Variants in CPNE5 observed in about 807,000 individuals in gnomAD.
CPNE5 encodes the protein copine-5.
CPNE5 carries 42 observed loss-of-function variants against 81.1 expected under a neutral mutation model. The ratio of observed to expected loss-of-function variants is 0.52; its 90% CI spans 0.40 to 0.67. The LOEUF (loss-of-function observed/expected upper bound fraction) is 0.67, where lower values mean the gene tolerates loss of function less well. CPNE5 is among the 30% of genes least tolerant of loss of function. The pLI is 0.00. For synonymous variants in CPNE5, 313 were observed against 321.5 expected, an observed-to-expected ratio of 0.97 and a Z score of 0.28; for missense variants, 612 against 815.5, an observed-to-expected ratio of 0.75 and a Z score of 3.04.
At chr6:36,744,544 G>A in intron 18 of CPNE5, 1 of 588,260 alleles carries the variant, frequency 1.7e-6, no homozygotes, top group Non-Finnish European at 3.0e-6. Context: ...AGAGAGGGAG[G>A]GTGGCAGGGG....
chr6:36,785,472 A>G (rs768989785), intron 8 of CPNE5, among the ~76,000 whole-genome samples: 6 of 152,208 alleles, frequency 3.9e-5, no homozygotes, highest in Non-Finnish European at 8.8e-5. Flanking sequence ...AGGCACAGAA[A>G]AGTAACTTGC....
intron 7 of CPNE5, chr6:36,792,463 T>C: frequency 8.1e-7 from 1 of 1,237,768 alleles, no homozygotes; most frequent in East Asian, 4.9e-5. Flanking sequence ...GCAAAAGACC[T>C]CATGGGCTAG....
chr6:36,839,401 A>G lies in CPNE5; in HGVS notation c.-24T>C. 1 of 1,528,602 alleles carries G rather than the reference A, an allele frequency of 6.5e-7. No homozygotes were observed. The highest frequency in any genetic ancestry group is 8.8e-7 in the Non-Finnish European group (1 of 1,131,928). 94.7% of individuals were successfully genotyped at this position (1,528,602 alleles called of 1,614,324 possible). A position where few individuals can be genotyped will look rare whatever the true frequency, so the allele number is the denominator to read the frequency against. On this transcript the variant is annotated 5_prime_UTR_variant, in exon 1 of 21. Transcript: ENST00000244751. The surrounding 1 kb of genome is among the most constrained non-coding windows in gnomAD (Gnocchi z 7.3). ...ATCGCCCACCGCACCCCCCACCCCAAATTAGTCAATCCCTGCGCGATTCAC... is the reference window on the plus strand; with the variant it reads ...ATCGCCCACCGCACCCCCCACCCCAGATTAGTCAATCCCTGCGCGATTCAC...
intron 3 of CPNE5, among the ~76,000 whole-genome samples, chr6:36,806,224 CCA>C (rs1386109385): frequency 6.6e-6 from 1 of 152,202 alleles, no homozygotes; most frequent in Non-Finnish European, 1.5e-5. Flanking sequence ...CGCCCCAGCT[CCA>C]GTCTTCATCC....
At chr6:36,794,745 C>T (rs981205414) in intron 6 of CPNE5, 96 bp from the exon 7 acceptor site, 18 of 1,109,804 alleles carry the variant, frequency 1.6e-5, no homozygotes, top group Admixed American at 5.9e-5. Context: ...TGGAGACAAG[C>T]GGCTGCTCTG....
intron 16 of CPNE5, among the ~76,000 whole-genome samples, chr6:36,745,729 GC>G (rs1168636471): frequency 6.6e-6 from 1 of 152,116 alleles, no homozygotes; most frequent in Non-Finnish European, 1.5e-5. Flanking sequence ...TCCTTACCCG[GC>G]TCCCTGTACC....
At chr6:36,761,618 T>A (rs1182272031) in intron 12 of CPNE5, among the ~76,000 whole-genome samples, 3 of 152,180 alleles carry the variant, frequency 2.0e-5, no homozygotes, top group African/African-American at 7.2e-5. Context: ...GGTTGTAAAA[T>A]GTGAACCTCT....
At chr6:36,798,113 C>A in intron 6 of CPNE5, 52 bp downstream of exon 6, 2 of 1,436,740 alleles carry the variant, frequency 1.4e-6, no homozygotes, top group Non-Finnish European at 1.9e-6. Context: ...CAGCCCCCAG[C>A]AGAATGGGCG....
At chr6:36,765,220 A>G in intron 11 of CPNE5, 115 bp downstream of exon 11, 1 of 1,037,670 alleles carries the variant, frequency 9.6e-7, no homozygotes, top group East Asian at 2.6e-5. Context: ...AGGCTCCCTC[A>G]CCCCCAGAGC....
chr6:36,765,306 T>C (rs368587221), intron 11 of CPNE5, 29 bp downstream of exon 11: 646 of 1,612,182 alleles, frequency 4.0e-4, no homozygotes, highest in Non-Finnish European at 5.2e-4. Flanking sequence ...CCCACTCACC[T>C]TCTCGCCCCT....
chr6:36,742,047 G>T lies in CPNE5; in HGVS notation c.*221C>A. The T allele has an allele frequency of 1.8e-6, 1 of 551,406 alleles. No homozygotes were observed. 34.2% of individuals were successfully genotyped at this position (551,406 alleles called of 1,614,324 possible). ...AAGAAGAGAAGGGCTGGGTCCCTGT[G>T]TACCCCTCTTTCACCCGTACCCCCC... On this transcript the variant is annotated 3_prime_UTR_variant, in exon 21 of 21. Coordinates refer to ENST00000244751, the MANE Select transcript of CPNE5 (RefSeq NM_020939.2).
intron 3 of CPNE5, among the ~76,000 whole-genome samples, chr6:36,800,307 C>T (rs1391132114): frequency 1.3e-5 from 2 of 152,242 alleles, no homozygotes; most frequent in Non-Finnish European, 2.9e-5. Context: ...CATCTCCATG[C>T]AAGCTGATGG....
rs1297628823 is a variant in CPNE5 at position 36,778,840 on chromosome 6, C to T, written c.632+14G>A. Reference sequence around the variant, plus strand: ...CGAGAAGGTGCAGTGCACAAGTGTCCCCAGAAAACTCACGTTCCATCCTCG... The same window carrying T: ...CGAGAAGGTGCAGTGCACAAGTGTCTCCAGAAAACTCACGTTCCATCCTCG... On this transcript the variant is annotated intron_variant, in intron 9 of 20. Coordinates refer to ENST00000244751, the MANE Select transcript of CPNE5 (RefSeq NM_020939.2). 2 of 1,545,848 alleles carry T rather than the reference C, an allele frequency of 1.3e-6. No individual in the cohort carries two copies. The highest frequency in any genetic ancestry group is 1.7e-5 in the Admixed American group (1 of 59,634).
chr6:36,816,796 C>A (rs989345369), intron 3 of CPNE5, among the ~76,000 whole-genome samples: 1 of 152,134 alleles, frequency 6.6e-6, no homozygotes, highest in African/African-American at 2.4e-5. Context: ...TGTTTGCTTT[C>A]GAGACAGGGT....
chr6:36,828,494 G>A (rs927559362), intron 1 of CPNE5, among the ~76,000 whole-genome samples: 1 of 152,040 alleles, frequency 6.6e-6, no homozygotes, highest in Non-Finnish European at 1.5e-5. Flanking sequence ...TGACCATCAC[G>A]CATCCCTGGT....
chr6:36,817,415 T>C (rs1245301360), intron 3 of CPNE5, among the ~76,000 whole-genome samples: 2 of 151,886 alleles, frequency 1.3e-5, no homozygotes, highest in Non-Finnish European at 2.9e-5. Context: ...ACTCCTGGAG[T>C]CTGGGCACGG....
chr6:36,818,708 G>C (rs1338491987), intron 3 of CPNE5, among the ~76,000 whole-genome samples: 1 of 152,336 alleles, frequency 6.6e-6, no homozygotes, highest in African/African-American at 2.4e-5. Context: ...GCTGGAGCCA[G>C]GAGCAAGCAC....
intron 12 of CPNE5, among the ~76,000 whole-genome samples, chr6:36,759,709 C>T (rs1765836072): frequency 6.6e-6 from 1 of 151,982 alleles, no homozygotes; most frequent in Admixed American, 6.6e-5. Context: ...AGGGAGGCTC[C>T]GTGGACCAAT....
intron 14 of CPNE5, among the ~76,000 whole-genome samples, chr6:36,751,790 G>C (rs1764855716): frequency 6.7e-6 from 1 of 149,230 alleles, no homozygotes; most frequent in African/African-American, 2.4e-5. Flanking sequence ...GCGAGACTCT[G>C]TCTCAAAAAA....
Sources: allele counts gnomAD v4.1 joint callset (sites outside exome capture counted in the v4.1 genomes callset), GRCh38; gene constraint gnomAD v4.1.1; non-coding constraint Gnocchi (gnomAD v3.1); transcripts MANE v1.5; gene names NCBI Gene and HGNC (gene_info 2026-07-23, HGNC 2026-07-21).